Variants in ATP8B4 observed in about 807,000 individuals in gnomAD.
ATP8B4 encodes the protein ATPase phospholipid transporting 8B4 (putative).
ATP8B4 carries 133 observed loss-of-function variants against 145.6 expected under a neutral mutation model. That is an observed-to-expected ratio of 0.91 (90% CI 0.79 to 1.05). The LOEUF (loss-of-function observed/expected upper bound fraction) is 1.05, where lower values mean the gene tolerates loss of function less well. Ranked by LOEUF, ATP8B4 falls within the 50% of genes least tolerant of loss-of-function variation. ATP8B4 has a pLI of 0.00. For synonymous variants in ATP8B4, 507 were observed against 492.9 expected (o/e 1.03, Z -0.38); for missense variants, 1,458 against 1,425.2 (o/e 1.02, Z -0.37).
chr15:50,047,771 T>C (rs903169089), intron 3 of ATP8B4, among the ~76,000 whole-genome samples: 1 of 152,296 alleles, frequency 6.6e-6, no homozygotes, highest in East Asian at 1.9e-4. Context: ...ACCTACTGTA[T>C]GCAGTATTGA....
upstream of ATP8B4, among the ~76,000 whole-genome samples, chr15:50,122,311 T>C (rs1415275762): frequency 6.6e-6 from 1 of 152,172 alleles, no homozygotes; most frequent in Non-Finnish European, 1.5e-5. Flanking sequence ...ATGAACAAAA[T>C]ATGATTCCTG....
intron 2 of ATP8B4, among the ~76,000 whole-genome samples, chr15:50,085,969 A>ATCATAT (rs2054968330): frequency 1.1e-5 from 1 of 87,566 alleles, no homozygotes; most frequent in East Asian, 3.5e-4. Context: ...ATATTTATAT[A>ATCATAT]TGATATATCA....
upstream of ATP8B4, among the ~76,000 whole-genome samples, chr15:50,122,190 G>A (rs189228331): frequency 3.3e-5 from 5 of 152,232 alleles, no homozygotes; most frequent in Admixed American, 1.3e-4. Flanking sequence ...TGTAACAAGT[G>A]GGATGGCCTG....
chr15:49,911,900 C>T (rs2039268344), intron 20 of ATP8B4, among the ~76,000 whole-genome samples: 2 of 151,888 alleles, frequency 1.3e-5, no homozygotes, highest in Non-Finnish European at 1.5e-5. Context: ...AAACAATACA[C>T]TACATGAAAA....
intron 14 of ATP8B4, among the ~76,000 whole-genome samples, chr15:49,961,279 A>T (rs957525632): frequency 6.6e-6 from 1 of 152,242 alleles, no homozygotes; most frequent in African/African-American, 2.4e-5. Context: ...CTCATCAAAG[A>T]TCATAAACTT....
intron 2 of ATP8B4, among the ~76,000 whole-genome samples, chr15:50,093,768 TAA>T (rs2055767835): frequency 6.6e-6 from 1 of 152,018 alleles, no homozygotes; most frequent in Admixed American, 6.6e-5. Flanking sequence ...AAAAAAATAT[TAA>T]AGAATTTAAA....
intron 1 of ATP8B4, among the ~76,000 whole-genome samples, chr15:50,151,740 C>CAAA (rs58413585): frequency 4.4e-5 from 4 of 91,762 alleles, no homozygotes; most frequent in Admixed American, 1.2e-4. Context: ...GAACCTGTCT[C>CAAA]AAAAAAAAAA....
chr15:50,045,421 A>G (rs752454476), intron 4 of ATP8B4, among the ~76,000 whole-genome samples: 13 of 152,172 alleles, frequency 8.5e-5, no homozygotes, highest in Non-Finnish European at 8.8e-5. Flanking sequence ...CCCACATAAG[A>G]GAGACATAGT....
rs146273709 is a variant in ATP8B4, at chr15:49,934,191, GAAC to G, written c.1288-12_1288-10del. 120 of 1,590,700 alleles carry G rather than the reference GAAC, an allele frequency of 7.5e-5. No homozygotes were observed. Among genetic ancestry groups the G allele is most frequent in the Admixed American group, 3.0e-4 (16 of 53,582 alleles). On this transcript the variant is annotated splice_polypyrimidine_tract_variant and intron_variant, in intron 14 of 27. Coordinates refer to ENST00000284509, the MANE Select transcript of ATP8B4 (RefSeq NM_024837.4). ...TCCACAGGCTCTTTTTCCTGTAGGA[GAAC>G]AACAACAACAAAAATAACCAAAACC...
intron 2 of ATP8B4, among the ~76,000 whole-genome samples, chr15:50,086,919 TAATAA>T (rs1375130035): frequency 4.1e-5 from 4 of 98,728 alleles, no homozygotes; most frequent in Non-Finnish European, 7.3e-5. Context: ...TTATTATATA[TAATAA>T]AATAATATAG....
chr15:50,075,133 G>T (rs1242241409), intron 2 of ATP8B4, among the ~76,000 whole-genome samples: 1 of 152,156 alleles, frequency 6.6e-6, no homozygotes, highest in Non-Finnish European at 1.5e-5. Context: ...TGAGTTTAGA[G>T]AAGGCACTTA....
intron 14 of ATP8B4, among the ~76,000 whole-genome samples, chr15:49,951,724 A>T (rs558258183): frequency 6.6e-6 from 1 of 152,218 alleles, no homozygotes; most frequent in Non-Finnish European, 1.5e-5. Flanking sequence ...TGTGAATTTG[A>T]TCCTGTCATC....
At chr15:50,049,987 A>G (rs1199278669) in intron 3 of ATP8B4, among the ~76,000 whole-genome samples, 1 of 152,010 alleles carries the variant, frequency 6.6e-6, no homozygotes, top group Non-Finnish European at 1.5e-5. Flanking sequence ...GCCACATAGC[A>G]AATTCCATGC....
intron 6 of ATP8B4, among the ~76,000 whole-genome samples, chr15:50,022,398 A>G (rs1279380631): frequency 6.6e-6 from 1 of 152,132 alleles, no homozygotes; most frequent in Non-Finnish European, 1.5e-5. Flanking sequence ...CTGCCCTACA[A>G]ACTGTGAGTT....
rs937817437 is a variant in ATP8B4 at position 49,901,942 on chromosome 15, T to G, written c.2142-703A>C. On this transcript the variant is annotated intron_variant, in intron 20 of 27. Transcript: ENST00000284509. ...GCCCTCCAAATGCTCTAGATCTAAT[T>G]AGCAGTAGCTATAAAGCAATCCTGC... 4 of 314,262 alleles carry G rather than the reference T, an allele frequency of 1.3e-5. No homozygotes were observed. In the East Asian group the frequency reaches 2.7e-4, roughly 22 times the overall value. 19.5% of individuals were successfully genotyped at this position (314,262 alleles called of 1,614,324 possible).
intron 3 of ATP8B4, among the ~76,000 whole-genome samples, chr15:50,056,272 T>C (rs2052588764): frequency 6.6e-6 from 1 of 152,204 alleles, no homozygotes; most frequent in Admixed American, 6.5e-5. Context: ...GGCAATAATG[T>C]TATTGAGCCA....
At chr15:50,170,495 A>ACCCCCCCCC (rs35629394) in intron 1 of ATP8B4, among the ~76,000 whole-genome samples, 1 of 142,178 alleles carries the variant, frequency 7.0e-6, no homozygotes, top group Non-Finnish European at 1.5e-5. Flanking sequence ...CCATTACCAA[A>ACCCCCCCCC]CCCCCCCCAC....
chr15:49,954,591 C>T (rs2043392356), intron 14 of ATP8B4, among the ~76,000 whole-genome samples: 2 of 152,148 alleles, frequency 1.3e-5, no homozygotes, highest in Non-Finnish European at 2.9e-5. Flanking sequence ...GATCATTAAT[C>T]ATCAGAGAAA....
At chr15:50,031,167 T>C (rs1599919376) in intron 6 of ATP8B4, among the ~76,000 whole-genome samples, 1 of 152,216 alleles carries the variant, frequency 6.6e-6, no homozygotes, top group African/African-American at 2.4e-5. Flanking sequence ...TGTAGCTTGC[T>C]TTTGAACTCA....
Sources: gnomAD v4.1 joint callset for allele counts (sites outside exome capture counted in the v4.1 genomes callset) on GRCh38, gnomAD v4.1.1 for gene constraint, MANE v1.5 for transcripts, NCBI Gene and HGNC (gene_info 2026-07-23, HGNC 2026-07-21) for gene names.